The following TNKS2 variants were observed in gnomAD, a reference collection of about 807,000 sequenced individuals.
TNKS2 encodes the protein tankyrase 2.
In TNKS2, 72 loss-of-function variants were observed where a neutral mutation model predicts 137.6. The ratio of observed to expected loss-of-function variants is 0.52; its 90% confidence interval spans 0.43 to 0.64. TNKS2 has a LOEUF of 0.64. Among genes scored for constraint, TNKS2 ranks in the 30% least tolerant of loss-of-function variants. The probability of loss-of-function intolerance (pLI) is 0.00; values close to 1 mark genes in which losing one functional copy is unlikely to be tolerated. For missense variants in TNKS2, 1,049 were observed against 1,410.2 expected (o/e 0.74, Z 4.10); for synonymous variants, 516 against 512.1 (o/e 1.01, Z -0.10).
At position 91,820,032 on chromosome 10, in the gene TNKS2, G is replaced by A; in HGVS notation, c.727G>A (p.Gly243Ser). ...AGCTGATGTCCATGCTAAAGATAAAGGGTAAGCATTTGAACAAAAACAAGG... is the reference window on the plus strand; with the variant it reads ...AGCTGATGTCCATGCTAAAGATAAAAGGTAAGCATTTGAACAAAAACAAGG... The part of the protein sequence containing the change: ...HGADVHAKDK[G>S]DLVPLHNACS... Residue 243 changes from glycine to serine, a missense_variant and splice_region_variant, in exon 6 of 27, where the codon GGT (glycine) becomes AGT (serine). By Grantham distance (56) the Gly-to-Ser change is moderately conservative. Transcript: ENST00000371627. 4.5e-6 allele frequency: 7 copies of A among 1,558,222 alleles called. No homozygotes were observed. Among genetic ancestry groups the A allele is most frequent in the Non-Finnish European group, 6.1e-6 (7 of 1,153,826 alleles).
At position 91,827,214 on chromosome 10, in the gene TNKS2, A is replaced by G; in HGVS notation, c.982+11A>G. The G allele has an allele frequency of 6.6e-7, 1 of 1,504,212 alleles. No individual in the cohort carries two copies. Among genetic ancestry groups the G allele is most frequent in the Non-Finnish European group, 8.9e-7 (1 of 1,120,640 alleles). 93.2% of individuals were successfully genotyped at this position (1,504,212 alleles called of 1,614,324 possible). ...AAGAAAGATTAGCATGTGAGTATAA[A>G]ATTATGAATGTTCAGGTAGGATATT... On this transcript the variant is annotated intron_variant, in intron 8 of 26. Coordinates refer to ENST00000371627, the MANE Select transcript of TNKS2 (RefSeq NM_025235.4).
At chr10:91,846,765 A>G (rs1374091804) in intron 18 of TNKS2, among the ~76,000 whole-genome samples, 1 of 151,648 alleles carries the variant, frequency 6.6e-6, no homozygotes, top group Non-Finnish European at 1.5e-5. Flanking sequence ...CAACCCAGCC[A>G]TATTTACAAC....
intron 3 of TNKS2, among the ~76,000 whole-genome samples, chr10:91,817,886 A>G (rs1427737058): frequency 2.0e-5 from 3 of 152,144 alleles, no homozygotes; most frequent in East Asian, 1.9e-4. Context: ...CCTCTTAGCA[A>G]CTCAGCCATG....
At chr10:91,800,241 G>T (rs1027025720) in intron 1 of TNKS2, among the ~76,000 whole-genome samples, 3 of 152,208 alleles carry the variant, frequency 2.0e-5, no homozygotes, top group African/African-American at 7.2e-5. Flanking sequence ...AATTTCGGTG[G>T]TAAGTGCTGC....
rs1035840852 is a variant in TNKS2, at chr10:91,864,283, A to G, written c.*1284A>G. 12 of 152,744 alleles carry G rather than the reference A, an allele frequency of 7.9e-5. 1 individual carries two copies. The highest frequency in any genetic ancestry group is 2.6e-4 in the African/African-American group (11 of 41,562). The allele number at this position is 152,744 out of a possible 1,614,324, so 9.5% of individuals were successfully genotyped here. On this transcript the variant is annotated 3_prime_UTR_variant, in exon 27 of 27. Coordinates refer to ENST00000371627, the MANE Select transcript of TNKS2 (RefSeq NM_025235.4). The stretch of plus-strand genomic sequence containing the variant: ...CACGCCTGTGCTCAGTTTGGCAGCT[A>G]TAGAAGGAAATGCTGTCCCATAAAA...
At chr10:91,842,679 G>A (rs984967101) in intron 16 of TNKS2, among the ~76,000 whole-genome samples, 25 of 152,122 alleles carry the variant, frequency 1.6e-4, no homozygotes, top group Admixed American at 1.3e-3. Flanking sequence ...GGAGGCTGAG[G>A]TGGGAAGATT....
Position 91,798,460 on chromosome 10 carries a change from G to A in TNKS2, c.-231G>A, listed in dbSNP as rs1036397288. The stretch of plus-strand genomic sequence containing the variant: ...CGCCGCGTCGTTTCAGGACCCGGAC[G>A]GCGGATTCGCGCTGCCTCCGCCGCC... On this transcript the variant is annotated 5_prime_UTR_variant, in exon 1 of 27. Transcript: ENST00000371627. 106 of 332,086 alleles carry A rather than the reference G, an allele frequency of 3.2e-4. 2 individuals carry two copies. Among genetic ancestry groups the A allele is most frequent in the Non-Finnish European group, 1.8e-4 (35 of 192,962 alleles). 20.6% of individuals were successfully genotyped at this position (332,086 alleles called of 1,614,324 possible).
intron 9 of TNKS2, 109 bp from the exon 10 acceptor site, chr10:91,830,813 TA>T: frequency 2.0e-6 from 2 of 987,842 alleles, no homozygotes; most frequent in Non-Finnish European, 2.9e-6. Flanking sequence ...GCGTCAAAAG[TA>T]AAACAAAAAG....
At position 91,841,444 on chromosome 10, in the gene TNKS2, TC is replaced by T; in HGVS notation, c.1837del (p.Gln613SerfsTer38). 6.2e-7 allele frequency: 1 copy of T among 1,600,768 alleles called. No homozygotes were observed. Among genetic ancestry groups the T allele is most frequent in the Non-Finnish European group, 8.5e-7 (1 of 1,174,744 alleles). ...KGKYEICKLL[L>X]QHGADPTKKN... is the part of the protein sequence containing the mutation. ...AAATATGAAATTTGCAAACTTCTGC[TC>T]CAGGTATATTTAAATACTTAACTGT... On this transcript the variant is annotated frameshift_variant, in exon 15 of 27. Coordinates refer to ENST00000371627, the MANE Select transcript of TNKS2 (RefSeq NM_025235.4). LOFTEE classifies it high-confidence loss of function.
At chr10:91,828,229 G>C in intron 8 of TNKS2, 56 bp from the exon 9 acceptor site, 1 of 1,405,054 alleles carries the variant, frequency 7.1e-7, no homozygotes, top group Non-Finnish European at 9.4e-7. Context: ...ATGTCTTTTA[G>C]ATAAGGCTTT....
At chr10:91,839,174 A>G (rs2261035) in intron 13 of TNKS2, among the ~76,000 whole-genome samples, 27,685 of 151,798 alleles carry the variant, frequency 0.18, 2,613 homozygotes, top group Middle Eastern at 0.28. Context: ...CCTAAGATAG[A>G]TATATTCTTT....
chr10:91,832,472 GT>G (rs11392641), intron 11 of TNKS2, among the ~76,000 whole-genome samples: 26,469 of 148,382 alleles, frequency 0.18, 3,232 homozygotes, highest in African/African-American at 0.35. Flanking sequence ...TACCCAAATA[GT>G]TTTTTTTTTT....
At chr10:91,835,592 C>CTTTTT (rs35247985) in intron 12 of TNKS2, among the ~76,000 whole-genome samples, 29 of 109,366 alleles carry the variant, frequency 2.7e-4, no homozygotes, top group Non-Finnish European at 3.3e-4. Flanking sequence ...CCCGGCCTTT[C>CTTTTT]TTTTTTTTTT....
At chr10:91,839,540 C>G (rs1041761392) in intron 13 of TNKS2, among the ~76,000 whole-genome samples, 5 of 151,964 alleles carry the variant, frequency 3.3e-5, no homozygotes, top group African/African-American at 1.2e-4. Context: ...GATCTGCCCG[C>G]CTCAGCCTCC....
chr10:91,862,515 A>G (rs183649149), intron 26 of TNKS2, among the ~76,000 whole-genome samples: 2 of 152,128 alleles, frequency 1.3e-5, no homozygotes, highest in Non-Finnish European at 2.9e-5. Context: ...ATTTTATTCA[A>G]ATTTCGCCAG....
intron 20 of TNKS2, among the ~76,000 whole-genome samples, chr10:91,850,236 G>T (rs948119135): frequency 2.6e-5 from 4 of 151,618 alleles, no homozygotes; most frequent in Non-Finnish European, 5.9e-5. Context: ...AGGCATGGTG[G>T]CAGGCACCTA....
chr10:91,822,441 C>T, intron 7 of TNKS2, 79 bp downstream of exon 7: 1 of 1,204,852 alleles, frequency 8.3e-7, no homozygotes. Context: ...GTCTGGGTTT[C>T]TTTTTATTTT....
chr10:91,817,058 T>C, intron 2 of TNKS2, 76 bp from the exon 3 acceptor site: 1 of 1,023,988 alleles, frequency 9.8e-7, no homozygotes, highest in Non-Finnish European at 1.5e-6. Flanking sequence ...GGACCAGACT[T>C]CTTGAGAAAA....
chr10:91,810,929 T>C (rs1413154603), intron 1 of TNKS2, among the ~76,000 whole-genome samples: 3 of 113,578 alleles, frequency 2.6e-5, no homozygotes, highest in South Asian at 3.5e-4. Flanking sequence ...TCTTTTTTTT[T>C]TTTTTTTTTT....
Sources: gnomAD v4.1 joint callset for allele counts (sites outside exome capture counted in the v4.1 genomes callset) on GRCh38, gnomAD v4.1.1 for gene constraint, MANE v1.5 for transcripts, NCBI Gene and HGNC (gene_info 2026-07-23, HGNC 2026-07-21) for gene names.